ARRB1: variants seen among roughly 807,000 people sequenced by gnomAD.
The protein encoded by ARRB1 is beta-arrestin-1.
In ARRB1, 21 loss-of-function variants were observed where a neutral mutation model predicts 56.8. The ratio of observed to expected loss-of-function variants is 0.37; its 90% CI spans 0.26 to 0.53. The LOEUF (loss-of-function observed/expected upper bound fraction) is 0.53, where lower values mean the gene tolerates loss of function less well. ARRB1 is among the 20% of genes least tolerant of loss of function. ARRB1 has a pLI of 0.88. For synonymous variants in ARRB1, 210 were observed against 218.6 expected (o/e 0.96, Z 0.35); for missense variants, 424 against 553.7 (o/e 0.77, Z 2.35).
intron 1 of ARRB1, among the ~76,000 whole-genome samples, chr11:75,293,627 G>A (rs1329131174): frequency 6.6e-6 from 1 of 152,186 alleles, no homozygotes; most frequent in African/African-American, 2.4e-5. Context: ...ACAGAGCTGG[G>A]TGCCTATAAG....
At chr11:75,267,006 C>T (rs150731874) in intron 15 of ARRB1, among the ~76,000 whole-genome samples, 168 of 152,310 alleles carry the variant, frequency 1.1e-3, no homozygotes, top group African/African-American at 3.9e-3. Context: ...ATGCAGGTGT[C>T]CACCTGGGTC....
intron 3 of ARRB1, among the ~76,000 whole-genome samples, chr11:75,285,063 C>T (rs1047282653): frequency 6.6e-6 from 1 of 152,204 alleles, no homozygotes; most frequent in African/African-American, 2.4e-5. Flanking sequence ...TAAATAGCCT[C>T]GCATCAGTTT....
chr11:75,282,562 G>A (rs1229113867), intron 5 of ARRB1, among the ~76,000 whole-genome samples: 2 of 152,222 alleles, frequency 1.3e-5, no homozygotes, highest in East Asian at 1.9e-4. Flanking sequence ...GCTGGAAAAG[G>A]TGGACGCTCC....
intron 1 of ARRB1, among the ~76,000 whole-genome samples, chr11:75,307,799 G>A (rs1488797557): frequency 6.6e-6 from 1 of 151,784 alleles, no homozygotes; most frequent in Non-Finnish European, 1.5e-5. Flanking sequence ...TGTCAGCTGT[G>A]TGTCTGGGCA....
At chr11:75,349,948 TC>T (rs1282512560) in intron 1 of ARRB1, among the ~76,000 whole-genome samples, 1 of 152,192 alleles carries the variant, frequency 6.6e-6, no homozygotes, top group African/African-American at 2.4e-5. Flanking sequence ...GACTCCAGCC[TC>T]CGCCCTGCCT....
chr11:75,300,948 A>G (rs1476722187), intron 1 of ARRB1, among the ~76,000 whole-genome samples: 2 of 142,016 alleles, frequency 1.4e-5, no homozygotes, highest in Admixed American at 1.4e-4. Flanking sequence ...AGCCTGGGCG[A>G]CAGAGCGAGA....
chr11:75,300,967 CAAAAAAAAAA>C (rs149559322), intron 1 of ARRB1, among the ~76,000 whole-genome samples: 2 of 76,752 alleles, frequency 2.6e-5, no homozygotes, highest in South Asian at 9.7e-4. Flanking sequence ...GACTCCGTCT[CAAAAAAAAAA>C]AAAAAAAAAT....
At chr11:75,300,830 T>C (rs889469205) in intron 1 of ARRB1, among the ~76,000 whole-genome samples, 12 of 150,174 alleles carry the variant, frequency 8.0e-5, no homozygotes, top group Non-Finnish European at 1.0e-4. Context: ...TAGCCGGGCG[T>C]GGTGGCGGGC....
In ARRB1 at chr11:75,272,925, A is replaced by G; in HGVS notation, c.968T>C (p.Val323Ala). 1 of 1,613,942 alleles carries G rather than the reference A, an allele frequency of 6.2e-7. No homozygotes were observed. The highest frequency in any genetic ancestry group is 8.5e-7 in the Non-Finnish European group (1 of 1,179,950). Residue 323 changes from valine (V) to alanine (A), a missense_variant, in exon 12 of 16, where the codon GTG becomes GCG. This residue lies in a region of ARRB1 where 121 missense variants were observed against 147.3 expected (regional missense o/e 0.82). Coordinates refer to ENST00000420843, the MANE Select transcript of ARRB1 (RefSeq NM_004041.5). ...CCGAGACACCACCAGCTTCACTTTCACTTTGTAGGAAACAATGATCCCCAG... is the reference window on the plus strand; with the variant it reads ...CCGAGACACCACCAGCTTCACTTTCGCTTTGTAGGAAACAATGATCCCCAG... ...EILGIIVSYK[V>A]KVKLVVSRGG...
In ARRB1 at chr11:75,275,443, T is replaced by C. The variant is rs34931451; in HGVS notation, c.777-1232A>G. ...ATTATAGGCGTGAGCACCAGCCCTGTCTCTAAACACATTTTAAAAAGAAAA... is the reference window on the plus strand; with the variant it reads ...ATTATAGGCGTGAGCACCAGCCCTGCCTCTAAACACATTTTAAAAAGAAAA... On this transcript the variant is annotated intron_variant, in intron 10 of 15. Coordinates refer to ENST00000420843, the MANE Select transcript of ARRB1 (RefSeq NM_004041.5). Among the ~76,000 whole-genome samples the C allele has an allele frequency of 5.7e-3, 871 of 152,206 alleles. 9 individuals carry two copies. Among genetic ancestry groups the C allele is most frequent in the African/African-American group, 0.02 (838 of 41,548 alleles).
intron 1 of ARRB1, among the ~76,000 whole-genome samples, chr11:75,332,632 C>G (rs1171424351): frequency 6.6e-6 from 1 of 152,180 alleles, no homozygotes; most frequent in Non-Finnish European, 1.5e-5. Flanking sequence ...CGCGGTGGCT[C>G]ACGCCTGTAA....
At chr11:75,320,075 G>T (rs1393900038) in intron 1 of ARRB1, among the ~76,000 whole-genome samples, 1 of 152,196 alleles carries the variant, frequency 6.6e-6, no homozygotes, top group Non-Finnish European at 1.5e-5. Flanking sequence ...GCCCTGGAGT[G>T]GTCCTGCAGC....
Position 75,344,875 on chromosome 11 carries a change from G to A in ARRB1, c.20+6713C>T, listed in dbSNP as rs899077662. Among the ~76,000 whole-genome samples the A allele has an allele frequency of 3.3e-5, 5 of 152,152 alleles. No individual in the cohort carries two copies. The East Asian group carries it at 9.6e-4, about 29-fold the overall frequency. On this transcript the variant is annotated intron_variant, in intron 1 of 15. Coordinates refer to ENST00000420843, the MANE Select transcript of ARRB1 (RefSeq NM_004041.5). ...CGCACAAGGACCAAGTGAGTTGGTT[G>A]TGGGCTACAGGCCCAGGGCCAGCAT...
At chr11:75,325,214 C>G (rs1240247585) in intron 1 of ARRB1, among the ~76,000 whole-genome samples, 2 of 152,154 alleles carry the variant, frequency 1.3e-5, no homozygotes, top group African/African-American at 4.8e-5. Flanking sequence ...TGAGGTCAGA[C>G]TGAGCCTGAA....
chr11:75,279,385 A>G (rs1300892977), intron 7 of ARRB1, among the ~76,000 whole-genome samples: 5 of 152,092 alleles, frequency 3.3e-5, no homozygotes, highest in Admixed American at 3.3e-4. Context: ...CATGGATGAG[A>G]CTGGCTCCAT....
intron 3 of ARRB1, among the ~76,000 whole-genome samples, chr11:75,284,483 C>T (rs1397551967): frequency 2.0e-5 from 3 of 152,172 alleles, no homozygotes; most frequent in African/African-American, 7.2e-5. Flanking sequence ...GTATAACAGA[C>T]CCAGCTGGTG....
intron 8 of ARRB1, among the ~76,000 whole-genome samples, chr11:75,277,890 G>A (rs1337900644): frequency 6.6e-6 from 1 of 152,260 alleles, no homozygotes; most frequent in Non-Finnish European, 1.5e-5. Context: ...GTGACCGTGG[G>A]TAGGTTATCT....
intron 1 of ARRB1, among the ~76,000 whole-genome samples, chr11:75,300,219 A>G (rs1972287): frequency 0.21 from 29,031 of 138,384 alleles, 3,468 homozygotes; most frequent in African/African-American, 0.32. Flanking sequence ...AAAAAAAAAA[A>G]AAAGAAAGAA....
Position 75,263,331 on chromosome 11 carries a change from A to G in ARRB1, c.*2832T>C, listed in dbSNP as rs895776783. Reference sequence around the variant, plus strand: ...ATGACCTGCGGCTTCCTCTCCAGGAAGAGGCTGAAGGAAACACTTTGGCCT... The same window carrying G: ...ATGACCTGCGGCTTCCTCTCCAGGAGGAGGCTGAAGGAAACACTTTGGCCT... On this transcript the variant is annotated 3_prime_UTR_variant, in exon 16 of 16. Transcript: ENST00000420843. 1.3e-5 allele frequency among the ~76,000 whole-genome samples: 2 copies of G among 152,244 alleles called. No individual in the cohort carries two copies. The highest frequency in any genetic ancestry group is 4.8e-5 in the African/African-American group (2 of 41,466).
Sources: gnomAD v4.1 joint callset for allele counts (sites outside exome capture counted in the v4.1 genomes callset) on GRCh38, gnomAD v4.1.1 for gene constraint, gnomAD v4.1.1 regional missense constraint, MANE v1.5 for transcripts, NCBI Gene and HGNC (gene_info 2026-07-23, HGNC 2026-07-21) for gene names.